Variants in GRIN2B observed in about 807,000 individuals in gnomAD.
The protein encoded by GRIN2B is glutamate ionotropic receptor NMDA type subunit 2B, also known as glutamate receptor ionotropic, NMDA 2B.
A neutral mutation model predicts 114.5 loss-of-function variants in GRIN2B; 5 were observed. The ratio of observed to expected loss-of-function variants is 0.04; its 90% CI spans 0.02 to 0.09. The LOEUF is 0.09. GRIN2B is among the 10% of genes least tolerant of loss of function. The pLI is 1.00. For synonymous variants in GRIN2B, 787 were observed against 745.1 expected (o/e 1.06, Z -0.92); for missense variants, 1,108 against 1,943.5 (o/e 0.57, Z 8.08).
At chr12:13,626,034 C>A (rs913676954) in intron 5 of GRIN2B, among the ~76,000 whole-genome samples, 2 of 152,196 alleles carry the variant, frequency 1.3e-5, no homozygotes, top group African/African-American at 4.8e-5. Context: ...ACTCCCAAGC[C>A]ACAACTCTCC....
chr12:13,979,539 A>G (rs1863093402), intron 2 of GRIN2B, among the ~76,000 whole-genome samples: 1 of 152,058 alleles, frequency 6.6e-6, no homozygotes, highest in Non-Finnish European at 1.5e-5. Context: ...AAAAAAAAAA[A>G]AAAAAAGGAT....
At chr12:13,979,764 G>C (rs905210477) in intron 2 of GRIN2B, among the ~76,000 whole-genome samples, 164 bp downstream of exon 2, 6 of 151,988 alleles carry the variant, frequency 3.9e-5, no homozygotes, top group Non-Finnish European at 8.8e-5. Context: ...AAAAAACATG[G>C]GAGATTTCCT....
rs1427827056 is a variant in GRIN2B at position 13,692,760 on chromosome 12, C to CTTTCTTTTTTTTTTTTTTTT, written c.1011-16902_1011-16901insAAAAAAAAAAAAAAAAGAAA. 5.9e-3 allele frequency among the ~76,000 whole-genome samples: 304 copies of CTTTCTTTTTTTTTTTTTTTT among 51,956 alleles called. 38 individuals carry two copies. Among genetic ancestry groups the CTTTCTTTTTTTTTTTTTTTT allele is most frequent in the Non-Finnish European group, 7.2e-3 (197 of 27,440 alleles). 34.1% of individuals were successfully genotyped at this position (51,956 alleles called of 152,430 possible). A position where few individuals can be genotyped will look rare whatever the true frequency, so the allele number is the denominator to read the frequency against. ...ACTTATTTTCATTAATCTTTCTTTT[C>CTTTCTTTTTTTTTTTTTTTT]TTTTTTTTTTTTTTTTTTTTTTTTT... On this transcript the variant is annotated intron_variant, in intron 4 of 13. Coordinates refer to ENST00000609686, the MANE Select transcript of GRIN2B (RefSeq NM_000834.5).
At chr12:13,617,306 C>T (rs747657339) in intron 5 of GRIN2B, among the ~76,000 whole-genome samples, 4 of 152,206 alleles carry the variant, frequency 2.6e-5, no homozygotes, top group Non-Finnish European at 5.9e-5. Context: ...TGCAGATGTG[C>T]ACCTCCTGGG....
At chr12:13,877,481 C>T (rs1238881497) in intron 2 of GRIN2B, among the ~76,000 whole-genome samples, 1 of 152,198 alleles carries the variant, frequency 6.6e-6, no homozygotes, top group African/African-American at 2.4e-5. Flanking sequence ...TCTAACATTA[C>T]CTGTGTAACT....
chr12:13,639,384 T>G (rs1236346128), intron 5 of GRIN2B, among the ~76,000 whole-genome samples: 2 of 152,116 alleles, frequency 1.3e-5, no homozygotes, highest in East Asian at 3.9e-4. Flanking sequence ...AAGAGGTCAG[T>G]TCTAATGCCA....
Position 13,616,441 on chromosome 12 carries a change from A to T in GRIN2B, c.1328+14T>A. The T allele has an allele frequency of 6.2e-7, 1 of 1,602,348 alleles. No homozygotes were observed. The highest frequency in any genetic ancestry group is 2.2e-5 in the East Asian group (1 of 44,836). On this transcript the variant is annotated intron_variant, in intron 6 of 13. Coordinates refer to ENST00000609686, the MANE Select transcript of GRIN2B (RefSeq NM_000834.5). ...TCTCCCATGCCACCCAAAGTCATTG[A>T]GAGGATGCCATACTCAGTGACTATG...
At chr12:13,911,515 T>G (rs1362519977) in intron 2 of GRIN2B, among the ~76,000 whole-genome samples, 2 of 152,194 alleles carry the variant, frequency 1.3e-5, no homozygotes, top group Admixed American at 1.3e-4. Context: ...TTCACATACT[T>G]CTCCTTGGCT....
intron 3 of GRIN2B, among the ~76,000 whole-genome samples, chr12:13,810,054 T>A (rs1033969420): frequency 2.0e-5 from 3 of 152,116 alleles, no homozygotes; most frequent in African/African-American, 7.2e-5. Context: ...CTCCCCATTC[T>A]TTCCTACCCT....
At chr12:13,816,641 A>C (rs547078381) in intron 3 of GRIN2B, among the ~76,000 whole-genome samples, 30 of 152,084 alleles carry the variant, frequency 2.0e-4, no homozygotes, top group Admixed American at 1.1e-3. Flanking sequence ...GGCCTTCTGA[A>C]ACTAAAGCAT....
rs1295784551 is a variant in GRIN2B at position 13,558,682 on chromosome 12, A to T, written c.*4101T>A. On this transcript the variant is annotated 3_prime_UTR_variant, in exon 14 of 14. Transcript: ENST00000609686. Reference sequence around the variant, plus strand: ...TACTGACACCAGCAACATTTAATGGAATCATTTGGGATTTTCCCCTCAATC... The same window carrying T: ...TACTGACACCAGCAACATTTAATGGTATCATTTGGGATTTTCCCCTCAATC... The T allele has an allele frequency of 1.3e-5, 2 of 152,198 alleles. No homozygotes were observed. The highest frequency in any genetic ancestry group is 2.4e-5 in the African/African-American group (1 of 41,442). 9.4% of individuals were successfully genotyped at this position (152,198 alleles called of 1,614,324 possible). A position where few individuals can be genotyped will look rare whatever the true frequency, so the allele number is the denominator to read the frequency against.
intron 10 of GRIN2B, among the ~76,000 whole-genome samples, chr12:13,573,595 T>A (rs1333990380): frequency 2.4e-5 from 3 of 125,496 alleles, no homozygotes; most frequent in African/African-American, 9.4e-5. Context: ...ACAGCAATGA[T>A]CATTGTAGCT....
At chr12:13,940,384 C>G (rs1867219535) in intron 2 of GRIN2B, among the ~76,000 whole-genome samples, 1 of 152,108 alleles carries the variant, frequency 6.6e-6, no homozygotes, top group Non-Finnish European at 1.5e-5. Context: ...GCATTATTCC[C>G]CAGCGGTTTT....
chr12:13,953,619 C>A (rs1316127092), intron 2 of GRIN2B, among the ~76,000 whole-genome samples: 1 of 152,138 alleles, frequency 6.6e-6, no homozygotes, highest in Non-Finnish European at 1.5e-5. Context: ...AGAGGAGAAG[C>A]TACAATATAT....
rs1949422913 is a variant in GRIN2B, at chr12:13,615,339, C to A, written c.1501-72G>T. 8 of 1,512,894 alleles carry A rather than the reference C, an allele frequency of 5.3e-6. No individual in the cohort carries two copies. In the Admixed American group the frequency reaches 1.3e-4, roughly 25 times the overall value. 93.7% of individuals were successfully genotyped at this position (1,512,894 alleles called of 1,614,324 possible). A position where few individuals can be genotyped will look rare whatever the true frequency, so the allele number is the denominator to read the frequency against. On this transcript the variant is annotated intron_variant, in intron 7 of 13. Transcript: ENST00000609686. This position sits in a 1 kb window ranked among gnomAD's most constrained non-coding sequence, Gnocchi z 5.8. ...GGGACCACCACAAGGAAAATACAGC[C>A]TATCAGTGGTTTTCTTTGTATAGTG...
chr12:13,614,016 CAAAAAAA>C (rs77527098), intron 8 of GRIN2B, among the ~76,000 whole-genome samples: 91 of 92,904 alleles, frequency 9.8e-4, no homozygotes, highest in Admixed American at 1.9e-3. Flanking sequence ...CCTTGCACAG[CAAAAAAA>C]AAAAAAAAAA....
chr12:13,719,862 T>A (rs1346381853), intron 4 of GRIN2B, among the ~76,000 whole-genome samples: 3 of 152,148 alleles, frequency 2.0e-5, no homozygotes, highest in Non-Finnish European at 1.5e-5. Context: ...CCATTAAAAT[T>A]CTGGAGCCTC....
At chr12:13,872,995 A>T (rs2136755665) in intron 2 of GRIN2B, among the ~76,000 whole-genome samples, 1 of 152,350 alleles carries the variant, frequency 6.6e-6, no homozygotes, top group Non-Finnish European at 1.5e-5. Flanking sequence ...CTATAAATTT[A>T]TTCTAAAATG....
intron 2 of GRIN2B, among the ~76,000 whole-genome samples, chr12:13,874,480 T>G (rs1211204752): frequency 1.3e-5 from 2 of 152,212 alleles, no homozygotes; most frequent in Non-Finnish European, 2.9e-5. Context: ...GGGTTTTTCT[T>G]TTTTCCTTAA....
Sources: allele counts gnomAD v4.1 joint callset (sites outside exome capture counted in the v4.1 genomes callset), GRCh38; gene constraint gnomAD v4.1.1; non-coding constraint Gnocchi (gnomAD v3.1); transcripts MANE v1.5; gene names NCBI Gene and HGNC (gene_info 2026-07-23, HGNC 2026-07-21).